The following ARL15 variants were observed in gnomAD, a reference collection of about 807,000 sequenced individuals.
ARL15 encodes the protein ARF like GTPase 15, also known as ADP-ribosylation factor-like protein 15.
In ARL15, 19 loss-of-function variants were observed where a neutral mutation model predicts 25.2. The ratio of observed to expected loss-of-function variants is 0.75; its 90% CI spans 0.53 to 1.10. The LOEUF (loss-of-function observed/expected upper bound fraction) is 1.10, where lower values mean the gene tolerates loss of function less well. Among genes scored for constraint, ARL15 ranks in the 50% least tolerant of loss-of-function variants. The pLI is 0.00. For missense variants in ARL15, 220 were observed against 246.0 expected (o/e 0.89, Z 0.71); for synonymous variants, 94 against 86.8 (o/e 1.08, Z -0.46).
chr5:54,026,432 G>C (rs1256372929), intron 4 of ARL15, among the ~76,000 whole-genome samples: 1 of 151,982 alleles, frequency 6.6e-6, no homozygotes. Flanking sequence ...ACAATGCCCG[G>C]CTAATGTTTG....
At chr5:54,300,404 T>C (rs1201648452) in intron 1 of ARL15, among the ~76,000 whole-genome samples, 2 of 152,198 alleles carry the variant, frequency 1.3e-5, no homozygotes, top group Non-Finnish European at 2.9e-5. Context: ...TGTTGCAATG[T>C]ACCCAGCTCA....
chr5:53,953,576 T>C (rs1747047771), intron 4 of ARL15, among the ~76,000 whole-genome samples: 1 of 152,014 alleles, frequency 6.6e-6, no homozygotes, highest in South Asian at 2.1e-4. Context: ...TGATGGTCAG[T>C]GTGCTATGGG....
intron 4 of ARL15, among the ~76,000 whole-genome samples, chr5:53,891,421 C>T (rs1744704481): frequency 6.6e-6 from 1 of 152,144 alleles, no homozygotes; most frequent in Non-Finnish European, 1.5e-5. Flanking sequence ...AATACGCCAC[C>T]CCTAGTTCTA....
At chr5:54,154,055 CCAGA>C (rs1262986912) in intron 3 of ARL15, among the ~76,000 whole-genome samples, 55 of 152,242 alleles carry the variant, frequency 3.6e-4, no homozygotes, top group African/African-American at 1.3e-3. Flanking sequence ...CCAAAAAATG[CCAGA>C]CAGAGAGTGT....
rs1039571456 is a variant in ARL15 at position 53,886,133 on chromosome 5, T to C, written c.*428A>G. On this transcript the variant is annotated 3_prime_UTR_variant, in exon 5 of 5. Transcript: ENST00000504924. ...CCCCCAATAGGTCTTGAAAATAATA[T>C]AAATATTTTGTGGAGTCCCAGTCAC... 1 of 151,274 alleles carries C rather than the reference T, an allele frequency of 6.6e-6. No homozygotes were observed. Among genetic ancestry groups the C allele is most frequent in the Non-Finnish European group, 1.5e-5 (1 of 68,030 alleles). 9.4% of individuals were successfully genotyped at this position (151,274 alleles called of 1,614,324 possible). A position where few individuals can be genotyped will look rare whatever the true frequency, so the allele number is the denominator to read the frequency against.
chr5:54,206,259 C>T (rs7715885), intron 1 of ARL15, among the ~76,000 whole-genome samples: 48,784 of 151,984 alleles, frequency 0.32, 8,283 homozygotes, highest in Middle Eastern at 0.39. Context: ...TAGGATCAAC[C>T]TTCTGAGTTT....
Position 53,923,734 on chromosome 5 carries a change from G to A in ARL15, c.463-37021C>T, listed in dbSNP as rs141949439. On this transcript the variant is annotated intron_variant, in intron 4 of 4. Coordinates refer to ENST00000504924, the MANE Select transcript of ARL15 (RefSeq NM_019087.3). ...GATTATATTAGCCAGGCGTGGTGGC[G>A]GGCGCCCGTAGTCCCAGCTACTCGG... is the stretch of plus-strand genomic sequence containing the variant. Among the ~76,000 whole-genome samples the A allele has an allele frequency of 4.0e-4, 61 of 152,032 alleles. No individual in the cohort carries two copies. The East Asian group carries it at 0.01, about 25-fold the overall frequency.
At chr5:54,137,648 T>C (rs1217981883) in intron 3 of ARL15, among the ~76,000 whole-genome samples, 1 of 152,366 alleles carries the variant, frequency 6.6e-6, no homozygotes, top group African/African-American at 2.4e-5. Context: ...GGCTCTTACC[T>C]ACTAGATTTC....
chr5:54,088,004 G>A (rs1752026521), intron 4 of ARL15, among the ~76,000 whole-genome samples: 2 of 152,018 alleles, frequency 1.3e-5, no homozygotes, highest in East Asian at 1.9e-4. Context: ...GCATAACCAG[G>A]GTACTGTATT....
At chr5:54,257,420 C>G (rs1481104502) in intron 1 of ARL15, among the ~76,000 whole-genome samples, 1 of 152,178 alleles carries the variant, frequency 6.6e-6, no homozygotes, top group Non-Finnish European at 1.5e-5. Flanking sequence ...AAGAGGAACA[C>G]ACCCCTAGGA....
Position 54,097,919 on chromosome 5 carries a change from T to C in ARL15, c.462+15283A>G, listed in dbSNP as rs149037591. Among the ~76,000 whole-genome samples, 961 of 152,244 alleles carry C rather than the reference T, an allele frequency of 6.3e-3. 3 individuals are homozygous for C. The highest frequency in any genetic ancestry group is 0.011 in the Non-Finnish European group (716 of 68,020). On this transcript the variant is annotated intron_variant, in intron 4 of 4. Transcript: ENST00000504924. ...AGAGCTACCTCCCATTATGAGGACA[T>C]AAATTCACAAACACACTCCTACAGC...
At chr5:54,134,304 C>T (rs1753528179) in intron 3 of ARL15, among the ~76,000 whole-genome samples, 1 of 152,154 alleles carries the variant, frequency 6.6e-6, no homozygotes, top group African/African-American at 2.4e-5. Context: ...TGACAAGTCT[C>T]TTACAGTATC....
At chr5:54,046,257 G>T (rs1191917356) in intron 4 of ARL15, among the ~76,000 whole-genome samples, 1 of 152,146 alleles carries the variant, frequency 6.6e-6, no homozygotes, top group Non-Finnish European at 1.5e-5. Flanking sequence ...GAGGTGGATG[G>T]ATCACATGAG....
chr5:53,928,508 A>G (rs1358774296), intron 4 of ARL15, among the ~76,000 whole-genome samples: 2 of 152,220 alleles, frequency 1.3e-5, no homozygotes, highest in Non-Finnish European at 2.9e-5. Flanking sequence ...AATACCCTTT[A>G]TAAGTGCGAG....
intron 4 of ARL15, among the ~76,000 whole-genome samples, chr5:54,089,456 C>G (rs1389682230): frequency 6.6e-6 from 1 of 152,096 alleles, no homozygotes; most frequent in Non-Finnish European, 1.5e-5. Flanking sequence ...TATGGAAAAG[C>G]ATTTGATAAA....
chr5:54,160,819 A>T (rs1225657263), intron 2 of ARL15, among the ~76,000 whole-genome samples: 1 of 152,210 alleles, frequency 6.6e-6, no homozygotes, highest in African/African-American at 2.4e-5. Flanking sequence ...AAACGAACAC[A>T]TCCTTCTCAT....
At chr5:54,031,699 G>C (rs1261620880) in intron 4 of ARL15, among the ~76,000 whole-genome samples, 2 of 152,094 alleles carry the variant, frequency 1.3e-5, no homozygotes, top group Non-Finnish European at 2.9e-5. Flanking sequence ...TTCATGGCGA[G>C]AGTACTTGAC....
At chr5:54,274,645 TC>T (rs1757878551) in intron 1 of ARL15, among the ~76,000 whole-genome samples, 1 of 152,154 alleles carries the variant, frequency 6.6e-6, no homozygotes, top group Non-Finnish European at 1.5e-5. Flanking sequence ...ATGCCTGTAA[TC>T]CCAGCACTTT....
chr5:54,231,207 G>T (rs1200278734), intron 1 of ARL15, among the ~76,000 whole-genome samples: 1 of 152,154 alleles, frequency 6.6e-6, no homozygotes, highest in Non-Finnish European at 1.5e-5. Flanking sequence ...CTCTAGTTCA[G>T]TGAACAAGGA....
Sources: allele counts gnomAD v4.1 joint callset (sites outside exome capture counted in the v4.1 genomes callset), GRCh38; gene constraint gnomAD v4.1.1; transcripts MANE v1.5; gene names NCBI Gene and HGNC (gene_info 2026-07-23, HGNC 2026-07-21).